The following NCOA1 variants were observed in gnomAD, a reference collection of about 807,000 sequenced individuals.
The protein encoded by NCOA1 is nuclear receptor coactivator 1.
In NCOA1, 35 loss-of-function variants were observed where a neutral mutation model predicts 150.9. The observed-to-expected ratio is 0.23, with a 90% CI of 0.18 to 0.31. The LOEUF is 0.31. NCOA1 is among the 10% of genes least tolerant of loss of function. The pLI is 1.00. For synonymous variants in NCOA1, 590 were observed against 630.0 expected, an observed-to-expected ratio of 0.94 and a Z score of 0.95; for missense variants, 1,491 against 1,749.3, an observed-to-expected ratio of 0.85 and a Z score of 2.63.
At chr2:24,566,454 C>T (rs921496270) in intron 2 of NCOA1, among the ~76,000 whole-genome samples, 1 of 152,288 alleles carries the variant, frequency 6.6e-6, no homozygotes, top group African/African-American at 2.4e-5. Flanking sequence ...CACAGCTGGT[C>T]ATCCTATCCT....
At chr2:24,517,180 T>C (rs1664237634) in intron 1 of NCOA1, among the ~76,000 whole-genome samples, 1 of 151,838 alleles carries the variant, frequency 6.6e-6, no homozygotes, top group African/African-American at 2.4e-5. Flanking sequence ...TATTTATTTA[T>C]TGATTTTGAT....
chr2:24,718,868 CAAAA>C (rs1275781024), intron 14 of NCOA1, among the ~76,000 whole-genome samples: 1 of 113,942 alleles, frequency 8.8e-6, no homozygotes, highest in Non-Finnish European at 1.9e-5. Flanking sequence ...GACTCTGTCT[CAAAA>C]AAAAAAAAAA....
chr2:24,496,341 A>T (rs775262644), intron 1 of NCOA1, among the ~76,000 whole-genome samples: 2 of 152,246 alleles, frequency 1.3e-5, no homozygotes, highest in Non-Finnish European at 2.9e-5. Context: ...TAGATGGCAT[A>T]TGCAGAAATA....
chr2:24,552,279 C>A, intron 1 of NCOA1, among the ~76,000 whole-genome samples: 1 of 127,546 alleles, frequency 7.8e-6, no homozygotes, highest in African/African-American at 3.1e-5. Context: ...AATGTATCAC[C>A]AATTATTGAG....
rs1194271269 is a variant in NCOA1, at chr2:24,602,021, T to C, written c.-175+17461T>C. Among the ~76,000 whole-genome samples, 7 of 152,292 alleles carry C rather than the reference T, an allele frequency of 4.6e-5. No homozygotes were observed. In the East Asian group the frequency reaches 1.2e-3, roughly 25 times the overall value. ...AATCTTTGTTAGAATTATTATGCCT[T>C]CACCGTTTAATTTTTTCTTGTTACT... On this transcript the variant is annotated intron_variant, in intron 3 of 22. Transcript: ENST00000348332.
At chr2:24,716,553 T>C (rs2148615785) in intron 14 of NCOA1, among the ~76,000 whole-genome samples, 1 of 152,292 alleles carries the variant, frequency 6.6e-6, no homozygotes, top group African/African-American at 2.4e-5. Context: ...AAAATGAACT[T>C]ATTTTGAGTT....
chr2:24,535,055 A>G (rs1665068432), intron 1 of NCOA1, among the ~76,000 whole-genome samples: 3 of 152,132 alleles, frequency 2.0e-5, no homozygotes. Flanking sequence ...GGGGTGTTAA[A>G]GTCTCCCATT....
chr2:24,729,438 C>T (rs1213038711), intron 16 of NCOA1, 63 bp from the exon 17 acceptor site: 64 of 1,424,948 alleles, frequency 4.5e-5, no homozygotes, highest in South Asian at 1.3e-4. Context: ...TCTAGAAATA[C>T]GGAAGCATGT....
intron 3 of NCOA1, among the ~76,000 whole-genome samples, chr2:24,586,526 G>T (rs952547502): frequency 1.3e-5 from 2 of 152,110 alleles, no homozygotes; most frequent in Admixed American, 1.3e-4. Context: ...AGCTGGGACC[G>T]CAGGTGCACA....
At chr2:24,623,749 T>C (rs1488871653) in intron 3 of NCOA1, among the ~76,000 whole-genome samples, 2 of 152,216 alleles carry the variant, frequency 1.3e-5, no homozygotes, top group African/African-American at 2.4e-5. Context: ...GCCATCTTCC[T>C]GTGTCCTCAC....
rs1176411025 is a variant in NCOA1, at chr2:24,581,671, A to G, written c.-259-2805A>G. On this transcript the variant is annotated intron_variant, in intron 2 of 22. Transcript: ENST00000348332. ...TGATAACATGTAACAGAAACAGAAA[A>G]CTACAGGCCAATATTCCTGATAAAC... is the stretch of plus-strand genomic sequence containing the variant. 3.3e-5 allele frequency among the ~76,000 whole-genome samples: 5 copies of G among 152,152 alleles called. No homozygotes were observed. In the East Asian group the frequency reaches 5.8e-4, roughly 18 times the overall value.
intron 16 of NCOA1, among the ~76,000 whole-genome samples, chr2:24,729,098 A>AT (rs924358628): frequency 4.0e-4 from 61 of 151,922 alleles, no homozygotes; most frequent in African/African-American, 7.2e-4. Flanking sequence ...TGAGCTGTGG[A>AT]TTTTTTTTTC....
chr2:24,678,428 G>A (rs1454515885), intron 7 of NCOA1, among the ~76,000 whole-genome samples: 1 of 152,112 alleles, frequency 6.6e-6, no homozygotes, highest in Non-Finnish European at 1.5e-5. Context: ...TGGGTCATAT[G>A]GTATTTCTGC....
At chr2:24,656,236 A>G (rs573535303) in intron 4 of NCOA1, among the ~76,000 whole-genome samples, 4 of 152,350 alleles carry the variant, frequency 2.6e-5, no homozygotes, top group East Asian at 1.9e-4. Flanking sequence ...ACTTTGCCCA[A>G]GGACAGGCAG....
rs191299425 is a variant in NCOA1 at position 24,565,767 on chromosome 2, G to C, written c.-260+1337G>C. On this transcript the variant is annotated intron_variant, in intron 2 of 22. Coordinates refer to ENST00000348332, the MANE Select transcript of NCOA1 (RefSeq NM_003743.5). ...CAAGCGAGTGTGGGGTCTGGCCACTGTGCACAGCCAGGCACGCTGGCTGTG... is the reference window on the plus strand; with the variant it reads ...CAAGCGAGTGTGGGGTCTGGCCACTCTGCACAGCCAGGCACGCTGGCTGTG... Among the ~76,000 whole-genome samples, 20 of 152,330 alleles carry C rather than the reference G, an allele frequency of 1.3e-4. No homozygotes were observed. The East Asian group carries it at 2.9e-3, about 22-fold the overall frequency.
intron 1 of NCOA1, among the ~76,000 whole-genome samples, chr2:24,532,922 C>T (rs767975958): frequency 3.2e-4 from 49 of 152,264 alleles, no homozygotes; most frequent in Non-Finnish European, 5.4e-4. Context: ...TTAGGATTGT[C>T]TTGGCATTGT....
chr2:24,677,274 G>T (rs1277599786), intron 7 of NCOA1, among the ~76,000 whole-genome samples: 2 of 152,116 alleles, frequency 1.3e-5, no homozygotes, highest in Non-Finnish European at 2.9e-5. Flanking sequence ...AACCCGGGAG[G>T]CAGAGGTTCC....
intron 3 of NCOA1, among the ~76,000 whole-genome samples, chr2:24,587,954 G>A (rs1252646300): frequency 1.3e-5 from 2 of 152,158 alleles, no homozygotes; most frequent in East Asian, 3.9e-4. Context: ...TTGGAAACTG[G>A]TGTAATTCTG....
At chr2:24,764,821 G>C (rs2148704736) in intron 22 of NCOA1, among the ~76,000 whole-genome samples, 1 of 152,326 alleles carries the variant, frequency 6.6e-6, no homozygotes, top group Middle Eastern at 3.4e-3. Flanking sequence ...ATATTGGCCA[G>C]TTGAGAAGGA....
Sources: allele counts gnomAD v4.1 joint callset (sites outside exome capture counted in the v4.1 genomes callset), GRCh38; gene constraint gnomAD v4.1.1; transcripts MANE v1.5; gene names NCBI Gene and HGNC (gene_info 2026-07-23, HGNC 2026-07-21).